Variants in OR2T2 observed in about 807,000 individuals in gnomAD.
OR2T2 encodes olfactory receptor 2T2.
For missense variants in OR2T2, 138 were observed against 409.1 expected (o/e 0.34, Z 5.72); for synonymous variants, 50 against 162.7 (o/e 0.31, Z 5.27).
At chr1:248,453,825 G>T in exon 3 of OR2T2, 1 of 1,433,922 alleles carries the variant, frequency 7.0e-7, no homozygotes, top group Non-Finnish European at 9.3e-7. Flanking sequence ...GGATTAGCGG[G>T]GACTCCCAGA....
At position 248,455,123 on chromosome 1, in the gene OR2T2, C is replaced by T. The variant is rs1162758325; in HGVS notation, c.*1351C>T. Reference sequence around the variant, plus strand: ...CCCACCATTCATGTAACTTTAGTTTCTCCTGTGTGTAAGGTCCTGAAATAT... The same window carrying T: ...CCCACCATTCATGTAACTTTAGTTTTTCCTGTGTGTAAGGTCCTGAAATAT... On this transcript the variant is annotated 3_prime_UTR_variant, in exon 3 of 3. Coordinates refer to ENST00000642130, the Ensembl canonical transcript of OR2T2. 2.7e-5 allele frequency: 4 copies of T among 150,922 alleles called. No individual in the cohort carries two copies. The East Asian group carries it at 7.7e-4, about 29-fold the overall frequency. 9.3% of individuals were successfully genotyped at this position (150,922 alleles called of 1,614,324 possible).
At chr1:248,451,652 A>G (rs1247970127) in intron 2 of OR2T2, among the ~76,000 whole-genome samples, 2 of 149,104 alleles carry the variant, frequency 1.3e-5, no homozygotes, top group Non-Finnish European at 2.9e-5. Flanking sequence ...TAATCTTTGT[A>G]TTTTTAGTAG....
exon 3 of OR2T2, chr1:248,453,705 G>A: frequency 1.9e-6 from 3 of 1,589,302 alleles, no homozygotes; most frequent in Non-Finnish European, 2.6e-6. Context: ...GCAGCTCTGA[G>A]GAAAGTACTA....
At chr1:248,450,478 C>CGT (rs1281532274) in intron 2 of OR2T2, among the ~76,000 whole-genome samples, 1 of 147,940 alleles carries the variant, frequency 6.8e-6, no homozygotes, top group African/African-American at 2.6e-5. Flanking sequence ...GAGTTGAAAA[C>CGT]GTTCTTATCC....
At chr1:248,453,640 C>T (rs367672246) in exon 3 of OR2T2, 1 of 1,593,646 alleles carries the variant, frequency 6.3e-7, no homozygotes. Context: ...TCTACACCAT[C>T]CTCACCCCCA....
chr1:248,447,925 T>G (rs193257672), intron 2 of OR2T2, among the ~76,000 whole-genome samples: 7,954 of 145,910 alleles, frequency 0.055, 65 homozygotes, highest in African/African-American at 0.2. Context: ...ATGAAAAATC[T>G]CAAATTTTAA....
chr1:248,455,066 T>G (rs1340449122), exon 3 of OR2T2: 3 of 151,706 alleles, frequency 2.0e-5, no homozygotes, highest in African/African-American at 7.3e-5. Context: ...GTAACTTTGG[T>G]GGAATACTAA....
chr1:248,446,235 CTT>C (rs144488546), intron 1 of OR2T2, among the ~76,000 whole-genome samples: 1 of 139,400 alleles, frequency 7.2e-6, no homozygotes, highest in Admixed American at 6.9e-5. Context: ...GCCTTAAGAT[CTT>C]TTTTTTTAAT....
exon 3 of OR2T2, chr1:248,453,014 A>G (rs1432926728): frequency 2.5e-6 from 4 of 1,613,292 alleles, no homozygotes; most frequent in Non-Finnish European, 3.4e-6. Flanking sequence ...CATGGATACC[A>G]TCTACATCTG....
chr1:248,455,025 T>C (rs1391589364), exon 3 of OR2T2: 2 of 151,392 alleles, frequency 1.3e-5, no homozygotes, highest in Non-Finnish European at 2.9e-5. Context: ...TTGTAATTAG[T>C]TGGAGTTAGG....
chr1:248,453,130 G>C (rs557524183), exon 3 of OR2T2: 1 of 1,613,082 alleles, frequency 6.2e-7, no homozygotes, highest in South Asian at 1.1e-5. Flanking sequence ...TGATTGGAGG[G>C]GAATTCTTCC....
chr1:248,447,975 C>G (rs1444902816), intron 2 of OR2T2, among the ~76,000 whole-genome samples: 37 of 152,364 alleles, frequency 2.4e-4, no homozygotes, highest in Admixed American at 2.4e-3. Flanking sequence ...AAATATCATC[C>G]CTCTGTGTAG....
At chr1:248,453,807 A>T (rs747496521) in exon 3 of OR2T2, 3 of 1,466,824 alleles carry the variant, frequency 2.0e-6, no homozygotes, top group Non-Finnish European at 2.7e-6. Flanking sequence ...GGTGACTGTG[A>T]TCGGGAAGGA....
intron 2 of OR2T2, among the ~76,000 whole-genome samples, chr1:248,450,122 T>G (rs1405634586): frequency 6.7e-6 from 1 of 149,584 alleles, no homozygotes; most frequent in Non-Finnish European, 1.5e-5. Context: ...ACATTAGGCA[T>G]GCATTTGAAC....
In OR2T2 at chr1:248,446,266, C is replaced by T. The variant is rs4098484; in HGVS notation, c.-245-323C>T. The stretch of plus-strand genomic sequence containing the variant: ...TTTTAATAAAACTATTAGAGGTCTC[C>T]TAGAAGCCATCTTAGCATGGCATAT... On this transcript the variant is annotated intron_variant, in intron 1 of 2. Transcript: ENST00000642130. 2.1e-5 allele frequency among the ~76,000 whole-genome samples: 3 copies of T among 141,192 alleles called. No homozygotes were observed. The East Asian group carries it at 5.9e-4, about 28-fold the overall frequency. The allele number at this position is 141,192 out of a possible 152,430, so 92.6% of individuals were successfully genotyped here. A position where few individuals can be genotyped will look rare whatever the true frequency, so the allele number is the denominator to read the frequency against.
At chr1:248,453,881 G>A (rs767202465) in exon 3 of OR2T2, 41 of 1,451,776 alleles carry the variant, frequency 2.8e-5, no homozygotes, top group Admixed American at 2.1e-4. Flanking sequence ...AAGGACTAGC[G>A]CAAACATCTG....
At chr1:248,450,431 C>T (rs1331581393) in intron 2 of OR2T2, among the ~76,000 whole-genome samples, 4 of 146,984 alleles carry the variant, frequency 2.7e-5, no homozygotes, top group Non-Finnish European at 4.4e-5. Flanking sequence ...CTTTTTTACT[C>T]TCCTCTTCTG....
At chr1:248,446,002 C>A (rs1334886129) in intron 1 of OR2T2, among the ~76,000 whole-genome samples, 12 of 145,276 alleles carry the variant, frequency 8.3e-5, no homozygotes, top group African/African-American at 3.4e-4. Flanking sequence ...GAGAAAGTTT[C>A]AGAATTAATT....
intron 2 of OR2T2, among the ~76,000 whole-genome samples, chr1:248,450,422 T>A (rs1440287451): frequency 6.8e-6 from 1 of 147,298 alleles, no homozygotes; most frequent in African/African-American, 2.7e-5. Context: ...CTGTTTCAGC[T>A]TTTTTACTCT....
Sources: gnomAD v4.1 joint callset for allele counts (sites outside exome capture counted in the v4.1 genomes callset) on GRCh38, gnomAD v4.1.1 for gene constraint, MANE v1.5 for transcripts, NCBI Gene and HGNC (gene_info 2026-07-23, HGNC 2026-07-21) for gene names.